HRH1: variants seen among roughly 807,000 people sequenced by gnomAD.
HRH1 encodes the protein histamine H1 receptor.
HRH1 carries 6 observed loss-of-function variants against 10.3 expected under a neutral mutation model. The observed-to-expected ratio is 0.58, with a 90% CI of 0.32 to 1.15. HRH1 has a LOEUF of 1.15. Ranked by LOEUF, HRH1 falls within the 50% of genes most tolerant of loss-of-function variation. The probability of loss-of-function intolerance (pLI) is 0.05; values close to 1 mark genes in which losing one functional copy is unlikely to be tolerated. For missense variants in HRH1, 514 were observed against 615.3 expected (o/e 0.84, Z 1.74); for synonymous variants, 242 against 236.7 (o/e 1.02, Z -0.21).
At chr3:11,255,102 TAC>T (rs922534441) in intron 1 of HRH1, among the ~76,000 whole-genome samples, 2 of 152,140 alleles carry the variant, frequency 1.3e-5, no homozygotes, top group Non-Finnish European at 2.9e-5. Context: ...GACAAGGATG[TAC>T]AAGGAAGTTG....
chr3:11,246,559 T>G (rs1939495057), intron 1 of HRH1, among the ~76,000 whole-genome samples: 1 of 152,236 alleles, frequency 6.6e-6, no homozygotes, highest in Admixed American at 6.5e-5. Context: ...GCACCTTACA[T>G]TAGTCATCTC....
In HRH1 at chr3:11,260,037, G is replaced by T. The variant is rs748268457; in HGVS notation, c.1000G>T (p.Asp334Tyr). Residue 334 changes from aspartate (D) to tyrosine (Y), a missense_variant, in exon 2 of 2, where the codon GAT becomes TAT. Transcript: ENST00000431010. ...CCGGAGCCATGGCCAGCTCAAGACA[G>T]ATGAGCAGGGCCTGAACACACATGG... ...VNRSHGQLKT[D>Y]EQGLNTHGAS... 3 of 1,614,206 alleles carry T rather than the reference G, an allele frequency of 1.9e-6. No individual in the cohort carries two copies. Among genetic ancestry groups the T allele is most frequent in the Non-Finnish European group, 2.5e-6 (3 of 1,180,038 alleles).
intron 1 of HRH1, among the ~76,000 whole-genome samples, chr3:11,175,898 C>T (rs1489175291): frequency 2.6e-5 from 4 of 152,130 alleles, no homozygotes; most frequent in African/African-American, 9.7e-5. Context: ...TGGGCTCACG[C>T]CTGTAATCCT....
At chr3:11,192,505 G>T (rs536341012) in intron 1 of HRH1, among the ~76,000 whole-genome samples, 29 of 152,230 alleles carry the variant, frequency 1.9e-4, no homozygotes, top group African/African-American at 7.0e-4. Flanking sequence ...CCCCATTTGG[G>T]GTGATGATAA....
upstream of HRH1, among the ~76,000 whole-genome samples, chr3:11,150,240 G>A (rs1208955750): frequency 6.6e-6 from 1 of 152,228 alleles, no homozygotes; most frequent in Non-Finnish European, 1.5e-5. Flanking sequence ...CTGAAATAGG[G>A]CCAAGTTGAA....
intron 1 of HRH1, among the ~76,000 whole-genome samples, chr3:11,234,838 T>C (rs1342823199): frequency 1.3e-5 from 2 of 152,242 alleles, no homozygotes; most frequent in African/African-American, 4.8e-5. Context: ...CTTTATATTT[T>C]CTGTTTCTTT....
At chr3:11,141,147 A>C (rs2124991424) in intron 1 of HRH1, among the ~76,000 whole-genome samples, 1 of 152,278 alleles carries the variant, frequency 6.6e-6, no homozygotes, top group South Asian at 2.1e-4. Flanking sequence ...AGATCTGACC[A>C]TAAAATCCTT....
chr3:11,161,670 G>A (rs926711346), intron 1 of HRH1, among the ~76,000 whole-genome samples: 5 of 152,306 alleles, frequency 3.3e-5, no homozygotes, highest in East Asian at 1.9e-4. Flanking sequence ...TGAATGGAAC[G>A]GCTTTCCAGG....
At chr3:11,178,618 G>A (rs968651262) in intron 1 of HRH1, among the ~76,000 whole-genome samples, 5 of 152,226 alleles carry the variant, frequency 3.3e-5, no homozygotes, top group Admixed American at 1.3e-4. Context: ...CACCCCCTGC[G>A]GCCTTTGACA....
intron 1 of HRH1, among the ~76,000 whole-genome samples, chr3:11,159,791 A>G (rs543537518): frequency 3.3e-5 from 5 of 152,304 alleles, no homozygotes; most frequent in Admixed American, 6.5e-5. Flanking sequence ...TGAGTGTTCA[A>G]TGCAACTCAC....
chr3:11,219,894 T>C (rs1436358096), intron 1 of HRH1, among the ~76,000 whole-genome samples: 1 of 151,648 alleles, frequency 6.6e-6, no homozygotes, highest in Admixed American at 6.6e-5. Flanking sequence ...CAAAATGCTT[T>C]AAGGAGCTGT....
intron 1 of HRH1, among the ~76,000 whole-genome samples, chr3:11,212,107 G>T (rs1938346116): frequency 6.6e-6 from 1 of 152,118 alleles, no homozygotes; most frequent in Non-Finnish European, 1.5e-5. Flanking sequence ...TTGCTGTCCT[G>T]CCGTGAAATG....
At chr3:11,206,448 C>T (rs1173410280) in intron 1 of HRH1, among the ~76,000 whole-genome samples, 1 of 152,242 alleles carries the variant, frequency 6.6e-6, no homozygotes, top group Non-Finnish European at 1.5e-5. Flanking sequence ...CCAAAGTTGG[C>T]CTGCTGGCCT....
In HRH1 at chr3:11,260,423, A is replaced by C. The variant is rs773732133; in HGVS notation, c.1386A>C (p.Thr462=). The change falls in exon 2 of 2, where the codon ACA becomes ACC. Residue 462 remains threonine (T), a synonymous_variant. Transcript: ENST00000431010. ...TCTGGCTGGGCTACATCAACTCCACACTGAACCCCCTCATCTACCCCTTGT... is the reference window on the plus strand; with the variant it reads ...TCTGGCTGGGCTACATCAACTCCACCCTGAACCCCCTCATCTACCCCTTGT... ...FTIWLGYINS[T]LNPLIYPLCN... 6.2e-7 allele frequency: 1 copy of C among 1,613,950 alleles called. No homozygotes were observed. The highest frequency in any genetic ancestry group is 1.3e-5 in the African/African-American group (1 of 74,902).
intron 1 of HRH1, among the ~76,000 whole-genome samples, chr3:11,189,978 C>G (rs537383885): frequency 1.3e-5 from 2 of 151,742 alleles, no homozygotes; most frequent in Non-Finnish European, 2.9e-5. Flanking sequence ...ACTAAAAGAG[C>G]GAGTGTGGTA....
chr3:11,159,058 G>A (rs1336611141), intron 1 of HRH1, among the ~76,000 whole-genome samples: 1 of 152,168 alleles, frequency 6.6e-6, no homozygotes, highest in Non-Finnish European at 1.5e-5. Flanking sequence ...GACCAGCCTG[G>A]CCAACATGGC....
At chr3:11,240,250 G>A (rs1215464409) in intron 1 of HRH1, among the ~76,000 whole-genome samples, 1 of 151,916 alleles carries the variant, frequency 6.6e-6, no homozygotes, top group Non-Finnish European at 1.5e-5. Context: ...TTCTACCTGG[G>A]GGCTTACAAA....
chr3:11,176,628 G>A (rs895089556), intron 1 of HRH1, among the ~76,000 whole-genome samples: 4 of 152,264 alleles, frequency 2.6e-5, no homozygotes, highest in Admixed American at 6.5e-5. Context: ...TCAGGAAATC[G>A]GCTAGCTAAG....
intron 1 of HRH1, among the ~76,000 whole-genome samples, chr3:11,222,958 A>G: frequency 6.6e-6 from 1 of 152,022 alleles, no homozygotes; most frequent in Non-Finnish European, 1.5e-5. Flanking sequence ...AGGCCAAGGC[A>G]GGCGGATCAT....
Sources: allele counts gnomAD v4.1 joint callset (sites outside exome capture counted in the v4.1 genomes callset), GRCh38; gene constraint gnomAD v4.1.1; transcripts MANE v1.5; gene names NCBI Gene and HGNC (gene_info 2026-07-23, HGNC 2026-07-21).